MEGF10: variants seen among roughly 807,000 people sequenced by gnomAD.
MEGF10 encodes multiple EGF like domains 10.
Under a neutral mutation model 147.5 loss-of-function variants are expected in MEGF10, and 86 were observed. That is an observed-to-expected ratio of 0.58 (90% CI 0.49 to 0.70). The LOEUF (loss-of-function observed/expected upper bound fraction) is 0.70, where lower values mean the gene tolerates loss of function less well. Ranked by LOEUF, MEGF10 falls within the 30% of genes least tolerant of loss-of-function variation. MEGF10 has a pLI of 0.00. For synonymous variants in MEGF10, 478 were observed against 525.5 expected, an observed-to-expected ratio of 0.91 and a Z score of 1.24; for missense variants, 1,329 against 1,487.3, an observed-to-expected ratio of 0.89 and a Z score of 1.75.
At chr5:127,259,660 G>T in the MEGF10 span, among the ~76,000 whole-genome samples, 1 of 152,098 alleles carries the variant, frequency 6.6e-6, no homozygotes, top group Non-Finnish European at 1.5e-5. Context: ...CAGCTAAATT[G>T]CTCAGCTTTT....
At chr5:127,356,407 G>T (rs772405101) in intron 4 of MEGF10, among the ~76,000 whole-genome samples, 1 of 152,130 alleles carries the variant, frequency 6.6e-6, no homozygotes, top group African/African-American at 2.4e-5. Context: ...TCTAAAAAAG[G>T]CTGGAAAAAA....
intron 20 of MEGF10, among the ~76,000 whole-genome samples, chr5:127,447,182 G>GT (rs1456521143): frequency 6.6e-6 from 1 of 151,966 alleles, no homozygotes; most frequent in Non-Finnish European, 1.5e-5. Flanking sequence ...TTATTTATTT[G>GT]TTTTTTTATT....
In MEGF10 at chr5:127,438,582, T is replaced by C. The variant is rs766285419; in HGVS notation, c.2233+15T>C. The C allele has an allele frequency of 6.2e-7, 1 of 1,612,822 alleles. No homozygotes were observed. Among genetic ancestry groups the C allele is most frequent in the East Asian group, 2.2e-5 (1 of 44,862 alleles). On this transcript the variant is annotated intron_variant, in intron 17 of 24. Coordinates refer to ENST00000503335, the MANE Select transcript of MEGF10 (RefSeq NM_001256545.2). ...CTGCACTCAGAGTAAGTGACAAGCC[T>C]TCTGAGGCTCACCAAGGGGAGCCTT...
At chr5:127,262,226 A>C in the MEGF10 span, among the ~76,000 whole-genome samples, 1 of 152,154 alleles carries the variant, frequency 6.6e-6, no homozygotes, top group Non-Finnish European at 1.5e-5. Context: ...TTATCTTCTA[A>C]GAATTTTACA....
At chr5:127,271,757 C>G in the MEGF10 span, among the ~76,000 whole-genome samples, 1 of 152,202 alleles carries the variant, frequency 6.6e-6, no homozygotes, top group Non-Finnish European at 1.5e-5. Flanking sequence ...TTTGCTTCCA[C>G]TTCTGCCATG....
At chr5:127,435,607 GAC>G (rs1019491137) in intron 16 of MEGF10, 118 bp downstream of exon 16, 4 of 985,772 alleles carry the variant, frequency 4.1e-6, no homozygotes, top group East Asian at 3.2e-5. Context: ...CTAATTAAAA[GAC>G]ACATTCTACT....
chr5:127,310,424 G>C (rs1408196745), intron 1 of MEGF10, among the ~76,000 whole-genome samples: 1 of 151,970 alleles, frequency 6.6e-6, no homozygotes, highest in Admixed American at 6.6e-5. Flanking sequence ...ATGAAGTTCA[G>C]TTTATCTGTT....
chr5:127,428,141 ATTTTTT>A lies in MEGF10; in HGVS notation c.1694-5204_1694-5199del, dbSNP rs66935934. Among the ~76,000 whole-genome samples the A allele has an allele frequency of 1.5e-3, 156 of 103,574 alleles. 1 individual carries two copies. The highest frequency in any genetic ancestry group is 3.8e-3 in the African/African-American group (103 of 27,426). 67.9% of individuals were successfully genotyped at this position (103,574 alleles called of 152,430 possible). A position where few individuals can be genotyped will look rare whatever the true frequency, so the allele number is the denominator to read the frequency against. ...ACTGAGGCAGGCCATGGTGTCTGGT[ATTTTTT>A]TTTTTTTTTTTTTTTTTGTCTTGCA... On this transcript the variant is annotated intron_variant, in intron 13 of 24. Coordinates refer to ENST00000503335, the MANE Select transcript of MEGF10 (RefSeq NM_001256545.2).
At chr5:127,283,546 G>C in the MEGF10 span, among the ~76,000 whole-genome samples, 8 of 152,166 alleles carry the variant, frequency 5.3e-5, no homozygotes, top group African/African-American at 1.9e-4. Flanking sequence ...TGCCAGTCCA[G>C]ACACATTTGG....
rs931073338 is a variant in MEGF10 at position 127,340,631 on chromosome 5, G to C, written c.319+1G>C. 2 of 1,610,764 alleles carry C rather than the reference G, an allele frequency of 1.2e-6. No individual in the cohort carries two copies. Among genetic ancestry groups the C allele is most frequent in the Non-Finnish European group, 1.7e-6 (2 of 1,177,370 alleles). ...TATGAAAGCGGGGAAATGTGTGTCC[G>C]TAAGTAAGACTGTCACCCCTTTGAG... On this transcript the variant is annotated splice_donor_variant, in intron 4 of 24. Transcript: ENST00000503335. LOFTEE classifies it high-confidence loss of function.
At chr5:127,302,673 T>C (rs1759824784) in intron 1 of MEGF10, among the ~76,000 whole-genome samples, 1 of 152,226 alleles carries the variant, frequency 6.6e-6, no homozygotes, top group Admixed American at 6.5e-5. Context: ...TGTGTCTGCA[T>C]AGATCAGTTG....
the MEGF10 span, among the ~76,000 whole-genome samples, chr5:127,242,554 G>T: frequency 6.6e-6 from 1 of 152,090 alleles, no homozygotes; most frequent in African/African-American, 2.4e-5. Flanking sequence ...CATTAAAGTG[G>T]ATTTAAAATT....
At chr5:127,307,778 T>A (rs1345111504) in intron 1 of MEGF10, among the ~76,000 whole-genome samples, 2 of 152,142 alleles carry the variant, frequency 1.3e-5, no homozygotes, top group Non-Finnish European at 2.9e-5. Flanking sequence ...CTTACAAATT[T>A]AAAAAAAGGA....
chr5:127,425,648 T>A (rs1765186478), intron 13 of MEGF10, among the ~76,000 whole-genome samples: 1 of 152,210 alleles, frequency 6.6e-6, no homozygotes, highest in South Asian at 2.1e-4. Flanking sequence ...GAGCAGCTTC[T>A]GTATATTATT....
At position 127,433,085 on chromosome 5, in the gene MEGF10, C is replaced by G. The variant is rs115627422; in HGVS notation, c.1694-278C>G. 3.1e-3 allele frequency among the ~76,000 whole-genome samples: 470 copies of G among 152,268 alleles called. 3 individuals are homozygous for G. The highest frequency in any genetic ancestry group is 0.011 in the African/African-American group (447 of 41,550). ...TAAATTTTACTTGCAATAGACAGAG[C>G]CCTTGGGCTTCCACTTTATTGCCTC... On this transcript the variant is annotated intron_variant, in intron 13 of 24. Transcript: ENST00000503335.
chr5:127,445,747 C>A, intron 20 of MEGF10, 54 bp downstream of exon 20: 5 of 1,344,580 alleles, frequency 3.7e-6, no homozygotes, highest in South Asian at 3.5e-5. Flanking sequence ...AAATTTCATT[C>A]GGGTTCTTTA....
chr5:127,419,053 G>T, intron 10 of MEGF10, 67 bp from the exon 11 acceptor site: 1 of 1,524,162 alleles, frequency 6.6e-7, no homozygotes, highest in Admixed American at 2.2e-5. Flanking sequence ...ATATATTTTT[G>T]TTTATTTGTG....
the MEGF10 span, among the ~76,000 whole-genome samples, chr5:127,242,761 C>T: frequency 6.6e-6 from 1 of 152,104 alleles, no homozygotes; most frequent in East Asian, 1.9e-4. Flanking sequence ...TTTCCACAGA[C>T]ATTTAAAAAT....
chr5:127,438,137 A>G (rs932356320), intron 16 of MEGF10, among the ~76,000 whole-genome samples: 3 of 152,168 alleles, frequency 2.0e-5, no homozygotes, highest in Non-Finnish European at 4.4e-5. Context: ...AGTGTTGGGT[A>G]CATAATAGGT....
Sources: allele counts gnomAD v4.1 joint callset (sites outside exome capture counted in the v4.1 genomes callset), GRCh38; gene constraint gnomAD v4.1.1; transcripts MANE v1.5; gene names NCBI Gene and HGNC (gene_info 2026-07-23, HGNC 2026-07-21).